KIF2C: variants seen among roughly 807,000 people sequenced by gnomAD.
KIF2C encodes kinesin family member 2C, also known as kinesin-like protein KIF2C.
KIF2C carries 34 observed loss-of-function variants against 97.4 expected under a neutral mutation model. The ratio of observed to expected loss-of-function variants is 0.35; its 90% CI spans 0.27 to 0.46. The LOEUF (loss-of-function observed/expected upper bound fraction) is 0.46. Among genes scored for constraint, KIF2C ranks in the 20% least tolerant of loss-of-function variants. The pLI, the probability that KIF2C is intolerant of heterozygous loss-of-function variation, is 1.00. For missense variants in KIF2C, 750 were observed against 907.6 expected (o/e 0.83, Z 2.23); for synonymous variants, 313 against 318.2 (o/e 0.98, Z 0.17).
At chr1:44,746,396 G>A in intron 2 of KIF2C, 7 of 1,104,360 alleles carry the variant, frequency 6.3e-6, no homozygotes, top group Non-Finnish European at 7.7e-6. Context: ...AAATAGGTAA[G>A]GCATGGGCAG....
chr1:44,745,490 T>TTTTTTTG (rs1649142968), intron 2 of KIF2C, among the ~76,000 whole-genome samples: 4 of 142,430 alleles, frequency 2.8e-5, no homozygotes, highest in Admixed American at 7.1e-5. Flanking sequence ...TTTTTTTTTT[T>TTTTTTTG]GAGACAGTGT....
Position 44,747,475 on chromosome 1 carries a change from T to C in KIF2C, c.257T>C (p.Val86Ala). 6.2e-7 allele frequency: 1 copy of C among 1,607,856 alleles called. No individual in the cohort carries two copies. The highest frequency in any genetic ancestry group is 1.1e-5 in the South Asian group (1 of 89,094). ...GACAATCTGCCCTTGCAGGAAAATG[T>C]AACAATCCAGGTAGGTGCCTGTCAT... is the stretch of plus-strand genomic sequence containing the variant. ...PKDNLPLQEN[V>A]TIQKQKRRSV... is the part of the protein sequence containing the mutation. The change falls in exon 3 of 21, where the codon GTA (valine) becomes GCA (alanine). Residue 86 changes from valine (V) to alanine (A), a missense_variant. Physicochemically the swap from Val to Ala is moderately conservative, Grantham distance 64. Coordinates refer to ENST00000372224, the MANE Select transcript of KIF2C (RefSeq NM_006845.4).
At chr1:44,758,646 G>A (rs1330607899) in intron 13 of KIF2C, among the ~76,000 whole-genome samples, 2 of 152,034 alleles carry the variant, frequency 1.3e-5, no homozygotes, top group Non-Finnish European at 2.9e-5. Context: ...AGGCCGAGGC[G>A]GGCAGGTCAC....
chr1:44,743,423 T>C (rs1040021823), intron 2 of KIF2C, among the ~76,000 whole-genome samples: 3 of 152,182 alleles, frequency 2.0e-5, no homozygotes, highest in Non-Finnish European at 2.9e-5. Context: ...GCTTCCAAAA[T>C]GCTAGACACT....
chr1:44,766,959 G>A lies in KIF2C; in HGVS notation c.2095+10G>A, dbSNP rs959447582. 1.2e-6 allele frequency: 2 copies of A among 1,614,046 alleles called. No homozygotes were observed. The highest frequency in any genetic ancestry group is 1.7e-5 in the Admixed American group (1 of 60,010). On this transcript the variant is annotated intron_variant, in intron 20 of 20. Coordinates refer to ENST00000372224, the MANE Select transcript of KIF2C (RefSeq NM_006845.4). Reference sequence around the variant, plus strand: ...TTCTCAGCCCTGCGAGGTGGGTGTGGCTGGATGGGGTGCAGGTGGACGATG... The same window carrying A: ...TTCTCAGCCCTGCGAGGTGGGTGTGACTGGATGGGGTGCAGGTGGACGATG...
At chr1:44,761,772 G>T in intron 16 of KIF2C, 144 bp from the exon 17 acceptor site, 3 of 734,436 alleles carry the variant, frequency 4.1e-6, no homozygotes, top group Non-Finnish European at 7.2e-6. Flanking sequence ...CTAGCACAGC[G>T]CGGTGCTAAA....
At chr1:44,755,623 G>T (rs891267820) in intron 8 of KIF2C, among the ~76,000 whole-genome samples, 1 of 152,220 alleles carries the variant, frequency 6.6e-6, no homozygotes, top group Non-Finnish European at 1.5e-5. Context: ...ATGGGGAGGG[G>T]TCTGATCTTT....
At chr1:44,753,073 C>T (rs1385527738) in intron 5 of KIF2C, 59 bp from the exon 6 acceptor site, 1 of 1,564,192 alleles carries the variant, frequency 6.4e-7, no homozygotes, top group Non-Finnish European at 8.7e-7. Flanking sequence ...GCCATGGGCT[C>T]AGGTGAGATG....
chr1:44,763,076 C>T (rs1650253375), intron 19 of KIF2C, among the ~76,000 whole-genome samples: 1 of 152,206 alleles, frequency 6.6e-6, no homozygotes, highest in South Asian at 2.1e-4. Context: ...CATTCACAAA[C>T]TGATTTCCTT....
intron 13 of KIF2C, among the ~76,000 whole-genome samples, 164 bp downstream of exon 13, chr1:44,758,304 G>A (rs899628882): frequency 1.3e-5 from 2 of 152,120 alleles, no homozygotes; most frequent in African/African-American, 4.8e-5. Flanking sequence ...TTAATCTGAT[G>A]GTGAGATGGC....
intron 2 of KIF2C, among the ~76,000 whole-genome samples, chr1:44,742,010 A>AAAG (rs1648958193): frequency 6.6e-6 from 1 of 151,318 alleles, no homozygotes; most frequent in African/African-American, 2.4e-5. Context: ...AAAAAAAAAA[A>AAAG]AAAAAAAAAG....
At chr1:44,757,532 A>C (rs768197710) in intron 10 of KIF2C, 24 bp from the exon 11 acceptor site, 1 of 1,500,014 alleles carries the variant, frequency 6.7e-7, no homozygotes, top group South Asian at 1.1e-5. Flanking sequence ...GGGAACAGAT[A>C]CAAATACTCT....
Position 44,751,601 on chromosome 1 carries a change from C to T in KIF2C, c.439+1037C>T, listed in dbSNP as rs140496063. Among the ~76,000 whole-genome samples, 35 of 150,798 alleles carry T rather than the reference C, an allele frequency of 2.3e-4. No individual in the cohort carries two copies. The East Asian group carries it at 5.1e-3, about 22-fold the overall frequency. On this transcript the variant is annotated intron_variant, in intron 5 of 20. Transcript: ENST00000372224. ...TTGGCTAACCTCAATCTCTGCCTCCCGGGTTCAATTGATTCTTCTGCCTCA... is the reference window on the plus strand; with the variant it reads ...TTGGCTAACCTCAATCTCTGCCTCCTGGGTTCAATTGATTCTTCTGCCTCA...
rs1305661162 is a variant in KIF2C at position 44,756,225 on chromosome 1, A to G, written c.965A>G (p.Glu322Gly). ...GCATTTGATGAAACAGCTTCGAATG[A>G]AGTTGTCTACAGGTTAGTCCCTTGC... is the stretch of plus-strand genomic sequence containing the variant. Reference protein sequence around the residue: ...DFAFDETASNEVVYRFTARPL... With the variant: ...DFAFDETASNGVVYRFTARPL... The change falls in exon 10 of 21, where the codon GAA (glutamate) becomes GGA (glycine). Residue 322 changes from glutamate (E) to glycine (G), a missense_variant. Coordinates refer to ENST00000372224, the MANE Select transcript of KIF2C (RefSeq NM_006845.4). 2 of 1,614,088 alleles carry G rather than the reference A, an allele frequency of 1.2e-6. No individual in the cohort carries two copies. The highest frequency in any genetic ancestry group is 2.7e-5 in the African/African-American group (2 of 74,942).
At chr1:44,746,920 CAG>C (rs1292520768) in intron 2 of KIF2C, among the ~76,000 whole-genome samples, 4 of 151,758 alleles carry the variant, frequency 2.6e-5, no homozygotes, top group African/African-American at 9.7e-5. Context: ...TTTTTTGAGA[CAG>C]AGTCTTGCTC....
intron 8 of KIF2C, 74 bp downstream of exon 8, chr1:44,754,919 A>G: frequency 1.1e-6 from 1 of 871,396 alleles, no homozygotes; most frequent in Non-Finnish European, 1.9e-6. Flanking sequence ...TACAGGAATG[A>G]GGGCATGCAG....
At position 44,762,457 on chromosome 1, in the gene KIF2C, G is replaced by C. The variant is rs367784614; in HGVS notation, c.1857+6G>C. The C allele has an allele frequency of 6.2e-6, 10 of 1,613,712 alleles. No homozygotes were observed. Among genetic ancestry groups the C allele is most frequent in the Admixed American group, 1.7e-5 (1 of 60,028 alleles). ...GGGCGCTGATTCCAGGCAATGTAAG[G>C]ACCAGGATGCGGCCAAGCAAGACAG... is the stretch of plus-strand genomic sequence containing the variant. On this transcript the variant is annotated splice_donor_region_variant and intron_variant, in intron 18 of 20. Transcript: ENST00000372224.
chr1:44,757,582 C>A lies in KIF2C; in HGVS notation c.1004C>A (p.Thr335Lys). ...YRFTARPLVQ[T>K]IFEGGKATCF... The stretch of plus-strand genomic sequence containing the variant: ...TTCACAGCAAGGCCACTGGTACAGA[C>A]AATCTTTGAAGGTGGAAAAGCAACT... The change falls in exon 11 of 21, where the codon ACA becomes AAA. Residue 335 changes from threonine (T) to lysine (K), a missense_variant. Coordinates refer to ENST00000372224, the MANE Select transcript of KIF2C (RefSeq NM_006845.4). 1 of 1,613,292 alleles carries A rather than the reference C, an allele frequency of 6.2e-7. No individual in the cohort carries two copies. The highest frequency in any genetic ancestry group is 8.5e-7 in the Non-Finnish European group (1 of 1,179,280).
At chr1:44,753,886 G>A (rs913610617) in intron 7 of KIF2C, 53 bp downstream of exon 7, 22 of 985,250 alleles carry the variant, frequency 2.2e-5, no homozygotes, top group African/African-American at 6.9e-5. Context: ...GTCCTTAACC[G>A]AAACTCTACG....
Sources: allele counts gnomAD v4.1 joint callset (sites outside exome capture counted in the v4.1 genomes callset), GRCh38; gene constraint gnomAD v4.1.1; transcripts MANE v1.5; gene names NCBI Gene and HGNC (gene_info 2026-07-23, HGNC 2026-07-21).